Variants in FOXJ3 observed in about 807,000 individuals in gnomAD.
FOXJ3 encodes forkhead box protein J3.
FOXJ3 carries 22 observed loss-of-function variants against 76.1 expected under a neutral mutation model. That is an observed-to-expected ratio of 0.29 (90% CI 0.21 to 0.41). The LOEUF (loss-of-function observed/expected upper bound fraction) is 0.41. Among genes scored for constraint, FOXJ3 ranks in the 10% least tolerant of loss-of-function variants. The pLI is 1.00. For synonymous variants in FOXJ3, 269 were observed against 261.2 expected, an observed-to-expected ratio of 1.03 and a Z score of -0.29; for missense variants, 613 against 762.1, an observed-to-expected ratio of 0.80 and a Z score of 2.30.
At chr1:42,219,980 C>G (rs1054788724) in intron 5 of FOXJ3, among the ~76,000 whole-genome samples, 33 of 152,146 alleles carry the variant, frequency 2.2e-4, no homozygotes, top group Non-Finnish European at 7.4e-5. Context: ...TGGCAACACC[C>G]CTATCCTCAC....
Position 42,205,752 on chromosome 1 carries a change from A to G in FOXJ3, c.630+10T>C, listed in dbSNP as rs1304725270. On this transcript the variant is annotated intron_variant, in intron 6 of 12. Coordinates refer to ENST00000361346, the MANE Select transcript of FOXJ3 (RefSeq NM_014947.5). ...TGACATTTCAATAATGTTTAAAAAA[A>G]TGAAATTACTTTGTTAGTCACAGTG... 22 of 1,475,436 alleles carry G rather than the reference A, an allele frequency of 1.5e-5. 1 individual carries two copies. Among genetic ancestry groups the G allele is most frequent in the Non-Finnish European group, 2.1e-5 (22 of 1,054,680 alleles). 91.4% of individuals were successfully genotyped at this position (1,475,436 alleles called of 1,614,324 possible).
At chr1:42,328,761 G>C (rs568040017) in intron 1 of FOXJ3, among the ~76,000 whole-genome samples, 1 of 149,526 alleles carries the variant, frequency 6.7e-6, no homozygotes, top group African/African-American at 2.5e-5. Flanking sequence ...CGGCCTCCCA[G>C]GTTCAAGCGA....
In FOXJ3 at chr1:42,195,035, T is replaced by C. The variant is rs140465046; in HGVS notation, c.789A>G (p.Gln263=). Residue 263 remains glutamine (Q), a synonymous_variant, in exon 8 of 13, where the codon CAA becomes CAG. Coordinates refer to ENST00000361346, the MANE Select transcript of FOXJ3 (RefSeq NM_014947.5). ...GTGGTTGCTGCTGAGGAGTTAATGATTGAGAGACTGATTCTGGATGGCTTG... is the reference window on the plus strand; with the variant it reads ...GTGGTTGCTGCTGAGGAGTTAATGACTGAGAGACTGATTCTGGATGGCTTG... The part of the protein sequence containing the change: ...PVTSHPESVS[Q]SLTPQQQPQY... The C allele has an allele frequency of 2.3e-5, 37 of 1,609,388 alleles. No homozygotes were observed. In the African/African-American group the frequency reaches 3.7e-4, roughly 16 times the overall value.
intron 4 of FOXJ3, among the ~76,000 whole-genome samples, chr1:42,229,491 C>T (rs905431142): frequency 6.6e-6 from 1 of 152,160 alleles, no homozygotes; most frequent in Non-Finnish European, 1.5e-5. Flanking sequence ...TCAGTGTACA[C>T]TGTTGGGGTA....
intron 4 of FOXJ3, among the ~76,000 whole-genome samples, chr1:42,248,729 T>C (rs1414832493): frequency 1.2e-4 from 13 of 112,370 alleles, no homozygotes; most frequent in Non-Finnish European, 2.2e-4. Context: ...TCCTGTTTTT[T>C]CTTTTTTTTT....
At chr1:42,280,459 A>AAAC (rs1439267018) in intron 2 of FOXJ3, 1 of 949,832 alleles carries the variant, frequency 1.1e-6, no homozygotes, top group African/African-American at 1.8e-5. Flanking sequence ...AAAAAAAAAA[A>AAAC]AAAAAAACTT....
intron 1 of FOXJ3, chr1:42,334,259 C>A (rs1656329542): frequency 4.0e-6 from 1 of 247,264 alleles, no homozygotes; most frequent in South Asian, 1.5e-4. Context: ...CCCCTACTGG[C>A]CTCAATTTCA....
Position 42,191,526 on chromosome 1 carries a change from G to A in FOXJ3, c.1128C>T (p.His376=), listed in dbSNP as rs1238669994. The A allele has an allele frequency of 6.2e-7, 1 of 1,614,120 alleles. No individual in the cohort carries two copies. Among genetic ancestry groups the A allele is most frequent in the Non-Finnish European group, 8.5e-7 (1 of 1,180,014 alleles). ...AQVSLSHPQM[H]TQPSPHPPHR... is the part of the protein sequence containing the mutation. ...GGGGAGGATGTGGAGATGGCTGTGT[G>A]TGCATCTGGGGGTGAGACAGTGAGA... Residue 376 remains histidine, a synonymous_variant, in exon 9 of 13, where the codon CAC becomes CAT. Coordinates refer to ENST00000361346, the MANE Select transcript of FOXJ3 (RefSeq NM_014947.5).
chr1:42,306,025 C>T (rs1419427900), intron 2 of FOXJ3, among the ~76,000 whole-genome samples: 1 of 151,972 alleles, frequency 6.6e-6, no homozygotes, highest in Non-Finnish European at 1.5e-5. Context: ...AAGGAAGTTA[C>T]AAAAAATAGT....
At chr1:42,181,863 G>GCTCA in intron 12 of FOXJ3, 54 bp downstream of exon 12, 8 of 1,092,956 alleles carry the variant, frequency 7.3e-6, no homozygotes, top group Non-Finnish European at 1.1e-5. Context: ...TTCCTGGAGT[G>GCTCA]CTCACACACA....
intron 2 of FOXJ3, among the ~76,000 whole-genome samples, chr1:42,305,015 G>A (rs1317926180): frequency 2.6e-5 from 4 of 152,128 alleles, no homozygotes; most frequent in African/African-American, 9.7e-5. Flanking sequence ...TTAATAACCA[G>A]AATATATAAG....
At chr1:42,218,236 G>A (rs565548324) in intron 5 of FOXJ3, among the ~76,000 whole-genome samples, 4 of 152,220 alleles carry the variant, frequency 2.6e-5, no homozygotes, top group African/African-American at 7.2e-5. Context: ...AACCACTCTG[G>A]TATTATAATT....
Position 42,311,059 on chromosome 1 carries a change from G to A in FOXJ3, c.35C>T (p.Thr12Ile). The A allele has an allele frequency of 6.3e-7, 1 of 1,585,760 alleles. No individual in the cohort carries two copies. The highest frequency in any genetic ancestry group is 1.2e-5 in the South Asian group (1 of 85,048). The change falls in exon 2 of 13, where the codon ACT (threonine) becomes ATT (isoleucine). Residue 12 changes from threonine to isoleucine, a missense_variant. Coordinates refer to ENST00000361346, the MANE Select transcript of FOXJ3 (RefSeq NM_014947.5). ...AAAAAAGAGCACTCACCTTAATGAA[G>A]TTACAGATGGACAAGCCTGTCCATA... ...GLYGQACPSVTSLRMTSELES... is the reference protein window; with the variant it reads ...GLYGQACPSVISLRMTSELES...
chr1:42,256,954 G>A (rs955437051), intron 4 of FOXJ3, among the ~76,000 whole-genome samples: 5 of 152,140 alleles, frequency 3.3e-5, no homozygotes, highest in African/African-American at 1.2e-4. Flanking sequence ...ACACAAATGA[G>A]TATATATTGA....
chr1:42,298,229 A>G (rs1653910670), intron 2 of FOXJ3, among the ~76,000 whole-genome samples: 1 of 152,172 alleles, frequency 6.6e-6, no homozygotes, highest in South Asian at 2.1e-4. Context: ...GCCCTGTGGA[A>G]CTGTGAGTCA....
rs1285120698 is a variant in FOXJ3, at chr1:42,182,107, T to TA, written c.1646-84dup. ...AGCACTAAAATCTTAACAGAATTGT[T>TA]ACTCTGAAAGTAAATTAAGCAGGTA... On this transcript the variant is annotated intron_variant, in intron 11 of 12. Coordinates refer to ENST00000361346, the MANE Select transcript of FOXJ3 (RefSeq NM_014947.5). 5 of 729,526 alleles carry TA rather than the reference T, an allele frequency of 6.9e-6. No homozygotes were observed. In the East Asian group the frequency reaches 1.4e-4, roughly 20 times the overall value. 45.2% of individuals were successfully genotyped at this position (729,526 alleles called of 1,614,324 possible).
intron 8 of FOXJ3, among the ~76,000 whole-genome samples, chr1:42,192,108 G>A (rs577955702): frequency 6.6e-6 from 1 of 152,288 alleles, no homozygotes; most frequent in Admixed American, 6.5e-5. Flanking sequence ...GGAAAGGTGT[G>A]GGGGTCACAC....
intron 2 of FOXJ3, among the ~76,000 whole-genome samples, chr1:42,282,992 T>C (rs756986295): frequency 1.3e-5 from 2 of 152,060 alleles, no homozygotes; most frequent in African/African-American, 4.8e-5. Context: ...CTGTAACAAG[T>C]TCAAAAGTTA....
chr1:42,324,859 G>C (rs1655735568), intron 1 of FOXJ3, among the ~76,000 whole-genome samples: 1 of 152,106 alleles, frequency 6.6e-6, no homozygotes, highest in Non-Finnish European at 1.5e-5. Flanking sequence ...GTGAAGGCCT[G>C]GGACATTACT....
Sources: allele counts gnomAD v4.1 joint callset (sites outside exome capture counted in the v4.1 genomes callset), GRCh38; gene constraint gnomAD v4.1.1; transcripts MANE v1.5; gene names NCBI Gene and HGNC (gene_info 2026-07-23, HGNC 2026-07-21).